Variants in AKT2 observed in about 807,000 individuals in gnomAD.
The protein encoded by AKT2 is RAC-beta serine/threonine-protein kinase.
AKT2 carries 16 observed loss-of-function variants against 58.6 expected under a neutral mutation model. The observed-to-expected ratio is 0.27, with a 90% CI of 0.18 to 0.41. AKT2 has a LOEUF of 0.41. Ranked by LOEUF, AKT2 falls within the 10% of genes least tolerant of loss-of-function variation. The probability of loss-of-function intolerance (pLI) is 1.00; values close to 1 mark genes in which losing one functional copy is unlikely to be tolerated. For synonymous variants in AKT2, 253 were observed against 254.0 expected (o/e 1.00, Z 0.04); for missense variants, 438 against 661.0 (o/e 0.66, Z 3.70).
Position 40,233,843 on chromosome 19 carries a change from A to G in AKT2, c.*29T>C. On this transcript the variant is annotated 3_prime_UTR_variant, in exon 14 of 14. Coordinates refer to ENST00000392038, the MANE Select transcript of AKT2 (RefSeq NM_001626.6). The surrounding 1 kb of genome is among the most constrained non-coding windows in gnomAD (Gnocchi z 4.3). ...AAACCACCCAGCGGTGATGGCAGCGAGCGTGCGTCCTCTGCGTGGGCAGAC... is the reference window on the plus strand; with the variant it reads ...AAACCACCCAGCGGTGATGGCAGCGGGCGTGCGTCCTCTGCGTGGGCAGAC... 6.2e-7 allele frequency: 1 copy of G among 1,605,658 alleles called. No homozygotes were observed. The highest frequency in any genetic ancestry group is 1.1e-5 in the South Asian group (1 of 91,004).
Position 40,241,940 on chromosome 19 carries a change from T to C in AKT2, c.571A>G (p.Lys191Glu). 1 of 1,613,950 alleles carries C rather than the reference T, an allele frequency of 6.2e-7. No individual in the cohort carries two copies. The highest frequency in any genetic ancestry group is 8.5e-7 in the Non-Finnish European group (1 of 1,180,032). The change falls in exon 6 of 14, where the codon AAG becomes GAG. Residue 191 changes from lysine (K) to glutamate (E), a missense_variant and splice_region_variant. Lys to Glu is a moderately conservative substitution (Grantham distance 56). This residue lies in a region of AKT2 where 244 missense variants were observed against 347.1 expected (regional missense o/e 0.70). Transcript: ENST00000392038. ...AGCGCAATTCCCGGGGCACGCACCT[T>C]GGCAATGATGACTTCCTTCCGCAGG... is the stretch of plus-strand genomic sequence containing the variant. ...KILRKEVIIA[K>E]DEVAHTVTES... is the part of the protein sequence containing the mutation.
intron 1 of AKT2, among the ~76,000 whole-genome samples, chr19:40,275,779 T>TGG (rs1568572732): frequency 2.2e-4 from 1 of 4,616 alleles, no homozygotes; most frequent in African/African-American, 7.8e-4. Flanking sequence ...GGGGGGGGGG[T>TGG]GGGCGGGGGG....
At chr19:40,278,858 A>T (rs1174761040) in intron 1 of AKT2, among the ~76,000 whole-genome samples, 1 of 151,874 alleles carries the variant, frequency 6.6e-6, no homozygotes, top group Non-Finnish European at 1.5e-5. Flanking sequence ...AGGGAGAAGA[A>T]ATAAGGCCCC....
chr19:40,276,491 G>A (rs995491951), intron 1 of AKT2, among the ~76,000 whole-genome samples: 7 of 148,118 alleles, frequency 4.7e-5, no homozygotes, highest in South Asian at 2.2e-4. Context: ...TCAACCTCCC[G>A]AATAGCTAGG....
chr19:40,255,322 C>T (rs750942682), intron 3 of AKT2, 53 bp from the exon 4 acceptor site: 9 of 1,515,230 alleles, frequency 5.9e-6, no homozygotes, highest in Admixed American at 1.7e-5. Flanking sequence ...CCCTGCTAGC[C>T]TGCAGCCCAA....
chr19:40,277,169 G>A (rs902245841), intron 1 of AKT2, among the ~76,000 whole-genome samples: 1 of 152,200 alleles, frequency 6.6e-6, no homozygotes, highest in Non-Finnish European at 1.5e-5. Flanking sequence ...TCTGACATCA[G>A]GGGCCGTCCT....
intron 1 of AKT2, chr19:40,274,687 C>A (rs921480414): frequency 7.8e-6 from 2 of 254,882 alleles, no homozygotes; most frequent in Admixed American, 4.7e-5. Flanking sequence ...GTGAGAGAGC[C>A]GGGGGAGACC....
chr19:40,275,488 C>T (rs957491669), intron 1 of AKT2: 8 of 370,332 alleles, frequency 2.2e-5, no homozygotes, highest in African/African-American at 1.1e-4. Context: ...TTACTATCCC[C>T]GTTCCTCACA....
intron 2 of AKT2, among the ~76,000 whole-genome samples, chr19:40,262,065 T>A (rs891623317): frequency 1.3e-5 from 2 of 152,006 alleles, no homozygotes; most frequent in African/African-American, 4.8e-5. Flanking sequence ...GAGTTTATTA[T>A]CCAGGCATTT....
chr19:40,251,204 T>TA (rs892155538), intron 4 of AKT2, among the ~76,000 whole-genome samples: 8 of 151,146 alleles, frequency 5.3e-5, no homozygotes, highest in East Asian at 1.9e-4. Flanking sequence ...AACTTGTCTC[T>TA]AAAAAAAAAG....
intron 2 of AKT2, among the ~76,000 whole-genome samples, chr19:40,262,738 T>C (rs1976055156): frequency 6.6e-6 from 1 of 152,196 alleles, no homozygotes; most frequent in Non-Finnish European, 1.5e-5. Context: ...GTCTGTAAGG[T>C]GGCATGTGCT....
At chr19:40,240,561 AC>A (rs981575861) in intron 6 of AKT2, among the ~76,000 whole-genome samples, 1 of 152,076 alleles carries the variant, frequency 6.6e-6, no homozygotes, top group African/African-American at 2.4e-5. Context: ...CCTGGGACCT[AC>A]CCCCAGGCCC....
At position 40,242,169 on chromosome 19, in the gene AKT2, C is replaced by G; in HGVS notation, c.442-100G>C. The G allele has an allele frequency of 6.5e-7, 1 of 1,542,714 alleles. No individual in the cohort carries two copies. The highest frequency in any genetic ancestry group is 2.3e-5 in the East Asian group (1 of 44,332). ...AGAGGAAAACCAAAAGACACTGTTG[C>G]CAAACGGCTTAGGCTGGAGCAGGAA... is the stretch of plus-strand genomic sequence containing the variant. On this transcript the variant is annotated intron_variant, in intron 5 of 13. Coordinates refer to ENST00000392038, the MANE Select transcript of AKT2 (RefSeq NM_001626.6). This position sits in a 1 kb window ranked among gnomAD's most constrained non-coding sequence, Gnocchi z 4.3.
Position 40,283,626 on chromosome 19 carries a change from A to C in AKT2, c.-85+1555T>G, listed in dbSNP as rs1433862894. On this transcript the variant is annotated intron_variant, in intron 1 of 13. Transcript: ENST00000392038. Reference sequence around the variant, plus strand: ...AGACCCAGAGCAAAGGCTACAGGGCAAGCCAAGGTCATGATCTGGCCTAGG... The same window carrying C: ...AGACCCAGAGCAAAGGCTACAGGGCCAGCCAAGGTCATGATCTGGCCTAGG... Among the ~76,000 whole-genome samples the C allele has an allele frequency of 3.9e-5, 6 of 152,324 alleles. No individual in the cohort carries two copies. The South Asian group carries it at 1.2e-3, about 32-fold the overall frequency.
intron 3 of AKT2, 157 bp from the exon 4 acceptor site, chr19:40,255,426 G>C (rs1334363597): frequency 3.3e-6 from 2 of 608,612 alleles, no homozygotes; most frequent in East Asian, 2.9e-5. Flanking sequence ...GTTCTCACAG[G>C]GCTCAGGGTC....
chr19:40,282,929 TCAGC>T, intron 1 of AKT2: 1 of 169,986 alleles, frequency 5.9e-6, no homozygotes, highest in Non-Finnish European at 1.3e-5. Flanking sequence ...CTCTCCCACT[TCAGC>T]TATGAGACCT....
rs1369292379 is a variant in AKT2 at position 40,233,990 on chromosome 19, A to T, written c.1367-39T>A. 12 of 1,598,868 alleles carry T rather than the reference A, an allele frequency of 7.5e-6. No homozygotes were observed. The highest frequency in any genetic ancestry group is 1.0e-5 in the Non-Finnish European group (12 of 1,175,302). On this transcript the variant is annotated intron_variant, in intron 13 of 13. Transcript: ENST00000392038. This position sits in a 1 kb window ranked among gnomAD's most constrained non-coding sequence, Gnocchi z 4.3. Reference sequence around the variant, plus strand: ...AGGTGGATGGGGAGGACCAGTCAGGAGAGGGCCTGGGACACCTGCCCAGAC... The same window carrying T: ...AGGTGGATGGGGAGGACCAGTCAGGTGAGGGCCTGGGACACCTGCCCAGAC...
chr19:40,265,069 A>C, intron 2 of AKT2, 153 bp downstream of exon 2: 1 of 1,163,446 alleles, frequency 8.6e-7, no homozygotes, highest in South Asian at 1.3e-5. Context: ...GAAGGAGTCC[A>C]CGAAATGGGG....
At chr19:40,236,489 C>T (rs1974035584) in intron 9 of AKT2, 104 bp from the exon 10 acceptor site, 3 of 1,501,214 alleles carry the variant, frequency 2.0e-6, no homozygotes, top group Non-Finnish European at 1.8e-6. Flanking sequence ...GACATCAACC[C>T]TCCCATGCCA....
Sources: allele counts gnomAD v4.1 joint callset (sites outside exome capture counted in the v4.1 genomes callset), GRCh38; gene constraint gnomAD v4.1.1; regional missense constraint gnomAD v4.1.1; non-coding constraint Gnocchi (gnomAD v3.1); transcripts MANE v1.5; gene names NCBI Gene and HGNC (gene_info 2026-07-23, HGNC 2026-07-21).